The following HMGCLL1 variants were observed in gnomAD, a reference collection of about 807,000 sequenced individuals.
The protein encoded by HMGCLL1 is 3-hydroxy-3-methylglutaryl-CoA lyase like 1.
HMGCLL1 carries 36 observed loss-of-function variants against 39.1 expected under a neutral mutation model. The observed-to-expected ratio is 0.92, with a 90% CI of 0.71 to 1.22. HMGCLL1 has a LOEUF of 1.22. Ranked by LOEUF, HMGCLL1 falls within the 50% of genes most tolerant of loss-of-function variation. HMGCLL1 has a pLI of 0.00. For missense variants in HMGCLL1, 451 were observed against 416.5 expected, an observed-to-expected ratio of 1.08 and a Z score of -0.72; for synonymous variants, 149 against 144.0, an observed-to-expected ratio of 1.03 and a Z score of -0.25.
At chr6:55,604,540 T>C in the HMGCLL1 span, among the ~76,000 whole-genome samples, 1 of 152,126 alleles carries the variant, frequency 6.6e-6, no homozygotes, top group Non-Finnish European at 1.5e-5. Context: ...AAGAAATTTT[T>C]GAAAGTTAGT....
the HMGCLL1 span, among the ~76,000 whole-genome samples, chr6:55,606,178 G>A: frequency 1.1e-4 from 16 of 152,154 alleles, no homozygotes; most frequent in East Asian, 3.9e-4. Flanking sequence ...ACAAGAATTC[G>A]AGCTACAGAC....
Position 55,495,471 on chromosome 6 carries a change from T to A in HMGCLL1, c.743A>T (p.His248Leu). 1 of 1,614,092 alleles carries A rather than the reference T, an allele frequency of 6.2e-7. No individual in the cohort carries two copies. The highest frequency in any genetic ancestry group is 8.5e-7 in the Non-Finnish European group (1 of 1,179,974). The change falls in exon 7 of 9, where the codon CAC (histidine) becomes CTC (leucine). Residue 248 changes from histidine (H) to leucine (L), a missense_variant. His to Leu is a moderately conservative substitution (Grantham distance 99, BLOSUM62 -3). Transcript: ENST00000274901. ...KEIPPGALAV[H>L]CHDTYGQALA... ...GGCTTGTCCGTATGTGTCATGACAGTGAACAGCAAGAGCACCTGGTGGGAT... is the reference window on the plus strand; with the variant it reads ...GGCTTGTCCGTATGTGTCATGACAGAGAACAGCAAGAGCACCTGGTGGGAT...
intron 7 of HMGCLL1, among the ~76,000 whole-genome samples, chr6:55,449,295 C>T (rs941965301): frequency 2.0e-5 from 3 of 152,160 alleles, no homozygotes; most frequent in African/African-American, 7.2e-5. Context: ...CAAAGTGAAA[C>T]AGGCCATTTC....
At chr6:55,518,209 T>C (rs1427976803) in intron 3 of HMGCLL1, among the ~76,000 whole-genome samples, 2 of 152,080 alleles carry the variant, frequency 1.3e-5, no homozygotes, top group Non-Finnish European at 1.5e-5. Flanking sequence ...GTTAGTAGTA[T>C]AGTTGGGGAG....
chr6:55,452,716 T>A (rs1171433457), intron 7 of HMGCLL1, among the ~76,000 whole-genome samples: 2 of 152,198 alleles, frequency 1.3e-5, no homozygotes, highest in Admixed American at 6.5e-5. Flanking sequence ...TGTGCATAAT[T>A]TCTCCAAGAA....
chr6:55,438,518 G>A (rs1224915849), intron 8 of HMGCLL1, among the ~76,000 whole-genome samples: 1 of 152,084 alleles, frequency 6.6e-6, no homozygotes, highest in Non-Finnish European at 1.5e-5. Flanking sequence ...GGAGATGCCA[G>A]ACGGCTTATT....
chr6:55,538,798 T>C (rs373054241), intron 3 of HMGCLL1, among the ~76,000 whole-genome samples: 1 of 151,890 alleles, frequency 6.6e-6, no homozygotes, highest in East Asian at 1.9e-4. Flanking sequence ...ATACTTATGG[T>C]ATAGGTAGTG....
the HMGCLL1 span, among the ~76,000 whole-genome samples, chr6:55,632,253 T>G: frequency 1.3e-5 from 2 of 151,960 alleles, no homozygotes; most frequent in African/African-American, 2.4e-5. Flanking sequence ...TATTGACAAT[T>G]TAAAACATAA....
At chr6:55,640,617 A>G in the HMGCLL1 span, among the ~76,000 whole-genome samples, 1,402 of 152,010 alleles carry the variant, frequency 9.2e-3, 27 homozygotes, top group African/African-American at 0.033. Flanking sequence ...GATATTTGAG[A>G]AAAGAGAAAG....
intron 5 of HMGCLL1, among the ~76,000 whole-genome samples, chr6:55,508,627 G>A (rs184701543): frequency 2.5e-4 from 38 of 151,758 alleles, no homozygotes; most frequent in African/African-American, 7.5e-4. Context: ...TTAATATGTT[G>A]CACAACTCTC....
At chr6:55,592,476 T>C in the HMGCLL1 span, among the ~76,000 whole-genome samples, 1 of 152,050 alleles carries the variant, frequency 6.6e-6, no homozygotes, top group African/African-American at 2.4e-5. Flanking sequence ...TAGAATAGCT[T>C]AAAATGGTGT....
chr6:55,492,356 C>A, intron 7 of HMGCLL1, among the ~76,000 whole-genome samples: 1 of 152,108 alleles, frequency 6.6e-6, no homozygotes, highest in East Asian at 1.9e-4. Flanking sequence ...GTTAAACCTG[C>A]TTATTGTGTT....
intron 1 of HMGCLL1, among the ~76,000 whole-genome samples, chr6:55,553,305 G>GT (rs1193661042): frequency 1.3e-5 from 2 of 148,544 alleles, no homozygotes; most frequent in Admixed American, 6.8e-5. Flanking sequence ...GGGCATGGTG[G>GT]TGCATGCCTG....
At chr6:55,451,392 G>A (rs993463743) in intron 7 of HMGCLL1, among the ~76,000 whole-genome samples, 3 of 151,902 alleles carry the variant, frequency 2.0e-5, no homozygotes, top group African/African-American at 7.3e-5. Flanking sequence ...GGAGACTGAG[G>A]CGGGTGGATC....
At chr6:55,505,058 T>C (rs1767082227) in intron 5 of HMGCLL1, among the ~76,000 whole-genome samples, 1 of 151,706 alleles carries the variant, frequency 6.6e-6, no homozygotes, top group Admixed American at 6.6e-5. Flanking sequence ...TGAATTGTTT[T>C]ATTTGTATTT....
At position 55,528,689 on chromosome 6, in the gene HMGCLL1, T is replaced by C. The variant is rs188222715; in HGVS notation, c.298-12086A>G. ...CCTGTCTTGGCTGCCAAAGCTAAAA[T>C]AGACTGACACCATATTCACAAAACT... On this transcript the variant is annotated intron_variant, in intron 3 of 8. Transcript: ENST00000274901. Among the ~76,000 whole-genome samples, 57 of 151,298 alleles carry C rather than the reference T, an allele frequency of 3.8e-4. 1 individual carries two copies. The highest frequency in any genetic ancestry group is 2.9e-3 in the Admixed American group (44 of 15,096).
chr6:55,630,606 G>A, the HMGCLL1 span, among the ~76,000 whole-genome samples: 1 of 151,990 alleles, frequency 6.6e-6, no homozygotes, highest in Non-Finnish European at 1.5e-5. Flanking sequence ...ACTCAAATGT[G>A]GGGACATGTA....
At chr6:55,669,839 A>G in the HMGCLL1 span, among the ~76,000 whole-genome samples, 7 of 151,964 alleles carry the variant, frequency 4.6e-5, no homozygotes, top group East Asian at 1.2e-3. Flanking sequence ...TAAAAAATGA[A>G]CAGAGCCTCA....
intron 7 of HMGCLL1, among the ~76,000 whole-genome samples, chr6:55,482,052 T>G (rs562131010): frequency 6.6e-6 from 1 of 152,234 alleles, no homozygotes; most frequent in Admixed American, 6.5e-5. Context: ...CATAAAGTAG[T>G]CACATCTTCC....
Sources: gnomAD v4.1 joint callset for allele counts (sites outside exome capture counted in the v4.1 genomes callset) on GRCh38, gnomAD v4.1.1 for gene constraint, MANE v1.5 for transcripts, NCBI Gene and HGNC (gene_info 2026-07-23, HGNC 2026-07-21) for gene names.